Variants in NRXN3 observed in about 807,000 individuals in gnomAD.
The protein encoded by NRXN3 is neurexin 3, also known as neurexin III.
NRXN3 carries 32 observed loss-of-function variants against 137.6 expected under a neutral mutation model. The observed-to-expected ratio is 0.23, with a 90% CI of 0.18 to 0.31. NRXN3 has a LOEUF of 0.31. NRXN3 is among the 10% of genes least tolerant of loss of function. The pLI is 1.00. For missense variants in NRXN3, 1,574 were observed against 2,062.5 expected (o/e 0.76, Z 4.59); for synonymous variants, 798 against 784.5 (o/e 1.02, Z -0.29).
chr14:79,445,358 GA>G (rs965684678), intron 15 of NRXN3, among the ~76,000 whole-genome samples: 3 of 150,942 alleles, frequency 2.0e-5, no homozygotes, highest in African/African-American at 4.9e-5. Context: ...AAGAAAGAAA[GA>G]AAAAAAGAAA....
At chr14:78,271,134 T>C (rs1011855385) in intron 2 of NRXN3, among the ~76,000 whole-genome samples, 2 of 152,234 alleles carry the variant, frequency 1.3e-5, no homozygotes, top group Non-Finnish European at 2.9e-5. Context: ...AAAAGTGCCA[T>C]ATTTATTGTA....
At chr14:79,768,785 C>A (rs973165766) in intron 19 of NRXN3, among the ~76,000 whole-genome samples, 1 of 152,174 alleles carries the variant, frequency 6.6e-6, no homozygotes, top group Non-Finnish European at 1.5e-5. Context: ...ATGACTTTGA[C>A]GAGCTGAGAG....
intron 4 of NRXN3, among the ~76,000 whole-genome samples, chr14:78,527,176 A>G (rs1186831912): frequency 6.6e-6 from 1 of 152,216 alleles, no homozygotes; most frequent in Non-Finnish European, 1.5e-5. Flanking sequence ...CACTGCTACA[A>G]ATAAATACCT....
At chr14:79,450,093 C>T (rs374886965) in intron 15 of NRXN3, among the ~76,000 whole-genome samples, 1 of 151,272 alleles carries the variant, frequency 6.6e-6, no homozygotes, top group Non-Finnish European at 1.5e-5. Context: ...CTCTCTCCCT[C>T]TCTCCACACA....
chr14:78,344,262 G>A (rs1036456040), intron 4 of NRXN3, among the ~76,000 whole-genome samples: 6 of 152,142 alleles, frequency 3.9e-5, no homozygotes, highest in South Asian at 2.1e-4. Flanking sequence ...AGCAGCTGGT[G>A]GACAAGACTT....
At chr14:79,232,502 A>T (rs76408745) in intron 15 of NRXN3, among the ~76,000 whole-genome samples, 24 of 152,290 alleles carry the variant, frequency 1.6e-4, no homozygotes, top group African/African-American at 5.5e-4. Context: ...CAAATGTTGT[A>T]GAAAAATGCT....
chr14:79,652,619 G>C (rs1054120690), intron 16 of NRXN3, among the ~76,000 whole-genome samples: 13 of 152,102 alleles, frequency 8.5e-5, no homozygotes, highest in African/African-American at 3.1e-4. Context: ...ACATAGCTTT[G>C]AAATAATTCT....
intron 17 of NRXN3, among the ~76,000 whole-genome samples, chr14:79,673,556 A>G (rs1002130972): frequency 6.6e-6 from 1 of 152,058 alleles, no homozygotes; most frequent in Non-Finnish European, 1.5e-5. Flanking sequence ...GTTGCCTTTA[A>G]TGTAATAGAA....
rs558710042 is a variant in NRXN3 at position 79,082,106 on chromosome 14, A to C, written c.3262+93965A>C. Among the ~76,000 whole-genome samples, 4 of 151,780 alleles carry C rather than the reference A, an allele frequency of 2.6e-5. No homozygotes were observed. In the East Asian group the frequency reaches 7.7e-4, roughly 29 times the overall value. On this transcript the variant is annotated intron_variant, in intron 15 of 20. Transcript: ENST00000335750. ...TATATACACATACTTATATATACAT[A>C]CATAAATATATTTATATATCCACTT...
chr14:79,034,734 TGA>T (rs2099613421), intron 15 of NRXN3, among the ~76,000 whole-genome samples: 1 of 152,118 alleles, frequency 6.6e-6, no homozygotes, highest in Non-Finnish European at 1.5e-5. Context: ...TTTTGATAAC[TGA>T]GAGTTTAAAA....
intron 1 of NRXN3, among the ~76,000 whole-genome samples, chr14:78,211,486 C>G (rs1447660582): frequency 6.6e-6 from 1 of 152,224 alleles, no homozygotes; most frequent in African/African-American, 2.4e-5. Context: ...CTTTGCTCCC[C>G]TCCTGGGCCC....
chr14:78,693,207 C>T (rs1483538552), intron 6 of NRXN3, among the ~76,000 whole-genome samples: 3 of 152,010 alleles, frequency 2.0e-5, no homozygotes, highest in African/African-American at 7.3e-5. Context: ...CCTCAATAGA[C>T]CTGGCCAGGA....
chr14:78,987,083 A>G (rs2099508442), intron 14 of NRXN3, among the ~76,000 whole-genome samples: 1 of 150,620 alleles, frequency 6.6e-6, no homozygotes, highest in Admixed American at 6.7e-5. Context: ...AGTGTGCTGT[A>G]GTGCAACGGC....
At chr14:78,700,567 C>T (rs7146256) in intron 6 of NRXN3, among the ~76,000 whole-genome samples, 10,955 of 152,072 alleles carry the variant, frequency 0.072, 616 homozygotes, top group African/African-American at 0.15. Flanking sequence ...AGTTCTATCT[C>T]GGAGAACTAC....
chr14:79,531,721 G>A (rs755162798), intron 16 of NRXN3, among the ~76,000 whole-genome samples: 3 of 151,996 alleles, frequency 2.0e-5, no homozygotes, highest in African/African-American at 4.8e-5. Context: ...AGATGGGTTC[G>A]GACCATGATA....
At chr14:79,471,449 C>T (rs1295449158) in intron 16 of NRXN3, among the ~76,000 whole-genome samples, 2 of 152,186 alleles carry the variant, frequency 1.3e-5, no homozygotes, top group African/African-American at 4.8e-5. Flanking sequence ...ACACGTGCTC[C>T]AATTTTCCCA....
chr14:78,812,640 G>A (rs1479699492), intron 10 of NRXN3, among the ~76,000 whole-genome samples: 1 of 152,102 alleles, frequency 6.6e-6, no homozygotes, highest in African/African-American at 2.4e-5. Context: ...ATGACAGCAG[G>A]TTTTCTTAAT....
intron 15 of NRXN3, among the ~76,000 whole-genome samples, chr14:79,427,195 A>G (rs1192296148): frequency 6.6e-6 from 1 of 152,178 alleles, no homozygotes; most frequent in Non-Finnish European, 1.5e-5. Context: ...CAAAGCAATC[A>G]GAAGACCTGT....
intron 15 of NRXN3, among the ~76,000 whole-genome samples, chr14:79,389,713 G>A (rs2094775013): frequency 6.6e-6 from 1 of 152,168 alleles, no homozygotes; most frequent in Non-Finnish European, 1.5e-5. Flanking sequence ...TTGTCTAAGA[G>A]TTGAATATGA....
Sources: gnomAD v4.1 joint callset for allele counts (sites outside exome capture counted in the v4.1 genomes callset) on GRCh38, gnomAD v4.1.1 for gene constraint, MANE v1.5 for transcripts, NCBI Gene and HGNC (gene_info 2026-07-23, HGNC 2026-07-21) for gene names.